Variants in SLC35F3 observed in about 807,000 individuals in gnomAD.
The protein encoded by SLC35F3 is solute carrier family 35 member F3.
A neutral mutation model predicts 49.9 loss-of-function variants in SLC35F3; 25 were observed. The ratio of observed to expected loss-of-function variants is 0.50; its 90% CI spans 0.37 to 0.70. SLC35F3 has a LOEUF of 0.70. Among genes scored for constraint, SLC35F3 ranks in the 30% least tolerant of loss-of-function variants. The pLI, the probability that SLC35F3 is intolerant of heterozygous loss-of-function variation, is 0.00. For synonymous variants in SLC35F3, 275 were observed against 265.4 expected (o/e 1.04, Z -0.35); for missense variants, 525 against 639.8 (o/e 0.82, Z 1.94).
chr1:234,156,789 A>G (rs1283770822), intron 2 of SLC35F3, among the ~76,000 whole-genome samples: 1 of 152,212 alleles, frequency 6.6e-6, no homozygotes, highest in East Asian at 1.9e-4. Context: ...ATAAAAAGAA[A>G]TGAAGTACCG....
intron 2 of SLC35F3, among the ~76,000 whole-genome samples, chr1:234,122,645 G>A (rs189028423): frequency 8.9e-4 from 135 of 152,178 alleles, no homozygotes; most frequent in African/African-American, 3.2e-3. Context: ...ACAGGCCTCA[G>A]TATGTGTTGT....
chr1:234,065,029 A>G (rs773555210), intron 2 of SLC35F3, among the ~76,000 whole-genome samples: 1 of 152,236 alleles, frequency 6.6e-6, no homozygotes, highest in Non-Finnish European at 1.5e-5. Flanking sequence ...GAGCATGACT[A>G]TGATAAGAGA....
chr1:234,026,076 A>T (rs562852008), intron 2 of SLC35F3, among the ~76,000 whole-genome samples: 7 of 152,196 alleles, frequency 4.6e-5, no homozygotes, highest in African/African-American at 1.7e-4. Flanking sequence ...CCCATTATGT[A>T]CTGTTGACTT....
chr1:233,921,553 C>T (rs1662059523), intron 2 of SLC35F3, among the ~76,000 whole-genome samples: 2 of 152,220 alleles, frequency 1.3e-5, no homozygotes, highest in Non-Finnish European at 2.9e-5. Context: ...ATTCATCCCT[C>T]CCTCCCCTCA....
chr1:234,096,885 C>CTTTTTTTTTTTTTTTTTTTTTT (rs34404610), intron 2 of SLC35F3, among the ~76,000 whole-genome samples: 4 of 132,106 alleles, frequency 3.0e-5, no homozygotes, highest in Non-Finnish European at 3.2e-5. Flanking sequence ...TTGTTAAATT[C>CTTTTTTTTTTTTTTTTTTTTTT]TTTTTTTTTT....
In SLC35F3 at chr1:234,127,082, A is replaced by G. The variant is rs1266527503; in HGVS notation, c.284-104335A>G. Among the ~76,000 whole-genome samples, 8 of 152,234 alleles carry G rather than the reference A, an allele frequency of 5.3e-5. No individual in the cohort carries two copies. The East Asian group carries it at 5.8e-4, about 11-fold the overall frequency. ...CTAGGCTTGGCTTTCTTCTCTCAGC[A>G]TAATTCCCTGGAGAATCATCCATTT... is the stretch of plus-strand genomic sequence containing the variant. On this transcript the variant is annotated intron_variant, in intron 2 of 7. Transcript: ENST00000366618.
chr1:234,220,947 A>C lies in SLC35F3; in HGVS notation c.284-10470A>C, dbSNP rs1667195106. Among the ~76,000 whole-genome samples, 4 of 152,156 alleles carry C rather than the reference A, an allele frequency of 2.6e-5. No homozygotes were observed. In the South Asian group the frequency reaches 8.3e-4, roughly 32 times the overall value. On this transcript the variant is annotated intron_variant, in intron 2 of 7. Coordinates refer to ENST00000366618, the MANE Select transcript of SLC35F3 (RefSeq NM_173508.4). ...AAGAGGTGGTGAAGCCTGAGAAACC[A>C]ATCAGGTGATATGGAAATAAATGGG...
chr1:234,140,918 T>G (rs1013711785), intron 2 of SLC35F3, among the ~76,000 whole-genome samples: 2 of 152,216 alleles, frequency 1.3e-5, no homozygotes, highest in African/African-American at 4.8e-5. Context: ...AGGGTTTACT[T>G]ATAGAATCCT....
intron 2 of SLC35F3, among the ~76,000 whole-genome samples, chr1:234,168,399 A>G (rs2045519): frequency 0.65 from 98,646 of 152,262 alleles, 39,482 homozygotes; most frequent in Non-Finnish European, 0.91. Context: ...GCACTTCTCC[A>G]TTAACCTCTA....
intron 2 of SLC35F3, among the ~76,000 whole-genome samples, chr1:233,970,524 G>A (rs1229478846): frequency 6.6e-6 from 1 of 152,184 alleles, no homozygotes; most frequent in Non-Finnish European, 1.5e-5. Flanking sequence ...GAGTTTGATA[G>A]GCTGAAATGT....
chr1:234,195,775 T>C (rs1179005753), intron 2 of SLC35F3, among the ~76,000 whole-genome samples: 2 of 152,124 alleles, frequency 1.3e-5, no homozygotes, highest in Non-Finnish European at 2.9e-5. Context: ...AGGAACCCAG[T>C]GGGAGACAAC....
At chr1:234,057,267 AGT>A (rs1216592629) in intron 2 of SLC35F3, among the ~76,000 whole-genome samples, 12 of 152,190 alleles carry the variant, frequency 7.9e-5, no homozygotes, top group Non-Finnish European at 8.8e-5. Flanking sequence ...GCCATTTAAC[AGT>A]GTTAAATTTT....
chr1:234,290,891 CCTT>C (rs1221477781), intron 3 of SLC35F3, among the ~76,000 whole-genome samples: 3 of 152,252 alleles, frequency 2.0e-5, no homozygotes, highest in African/African-American at 7.2e-5. Context: ...TCCTCCCTTT[CCTT>C]CTTTGGTCCC....
At chr1:234,322,236 G>C (rs183982137) in intron 7 of SLC35F3, among the ~76,000 whole-genome samples, 138 of 151,026 alleles carry the variant, frequency 9.1e-4, no homozygotes, top group South Asian at 6.1e-3. Flanking sequence ...ACAATGTAGA[G>C]AATGGGGGCA....
intron 3 of SLC35F3, among the ~76,000 whole-genome samples, chr1:234,252,862 TTACTCCTAGGAATTTACATTAGAGG>T: frequency 6.6e-6 from 1 of 152,174 alleles, no homozygotes; most frequent in African/African-American, 2.4e-5. Flanking sequence ...CCTGGTAGCT[TTACTCCTAGGAATTTACATTAGAGG>T]ATGTACAAGC....
chr1:234,220,066 C>G (rs149180034), intron 2 of SLC35F3, among the ~76,000 whole-genome samples: 1 of 152,206 alleles, frequency 6.6e-6, no homozygotes, highest in Admixed American at 6.5e-5. Context: ...ACGCTGGACT[C>G]GGAAGACAGG....
chr1:234,243,205 A>G (rs1218494373), intron 3 of SLC35F3, among the ~76,000 whole-genome samples: 3 of 152,144 alleles, frequency 2.0e-5, no homozygotes, highest in Admixed American at 2.0e-4. Context: ...ATACAAAAAA[A>G]TTAGCTGGGC....
intron 2 of SLC35F3, among the ~76,000 whole-genome samples, chr1:234,015,413 A>G (rs1342784955): frequency 1.3e-5 from 2 of 152,024 alleles, no homozygotes; most frequent in African/African-American, 4.8e-5. Flanking sequence ...TAACTATCTT[A>G]TAAAGCTATA....
Position 233,905,001 on chromosome 1 carries a change from A to G in SLC35F3, c.-77A>G. 6.8e-7 allele frequency: 1 copy of G among 1,474,902 alleles called. No homozygotes were observed. The highest frequency in any genetic ancestry group is 9.2e-7 in the Non-Finnish European group (1 of 1,083,598). The allele number at this position is 1,474,902 out of a possible 1,614,324, so 91.4% of individuals were successfully genotyped here. A position where few individuals can be genotyped will look rare whatever the true frequency, so the allele number is the denominator to read the frequency against. On this transcript the variant is annotated 5_prime_UTR_variant, in exon 1 of 8. Transcript: ENST00000366618. ...CAGCGCACTCCAGTCTTCCCAGGCT[A>G]GCGGCTGCAGGGAGCTCCGGCCCGC...
Sources: gnomAD v4.1 joint callset for allele counts (sites outside exome capture counted in the v4.1 genomes callset) on GRCh38, gnomAD v4.1.1 for gene constraint, MANE v1.5 for transcripts, NCBI Gene and HGNC (gene_info 2026-07-23, HGNC 2026-07-21) for gene names.